ARSG: variants seen among roughly 807,000 people sequenced by gnomAD.
The protein encoded by ARSG is arylsulfatase G, also known as ASG.
In ARSG, 37 loss-of-function variants were observed where a neutral mutation model predicts 50.5. That is an observed-to-expected ratio of 0.73 (90% CI 0.56 to 0.96). The LOEUF is 0.96. Among genes scored for constraint, ARSG ranks in the 50% least tolerant of loss-of-function variants. The pLI is 0.00. For synonymous variants in ARSG, 225 were observed against 254.6 expected (o/e 0.88, Z 1.11); for missense variants, 629 against 675.3 (o/e 0.93, Z 0.76).
chr17:68,334,614 G>A (rs970162489), intron 2 of ARSG, among the ~76,000 whole-genome samples: 10 of 152,086 alleles, frequency 6.6e-5, no homozygotes, highest in African/African-American at 1.4e-4. Context: ...AGTACTGGGC[G>A]TTGACTAAGG....
intron 8 of ARSG, among the ~76,000 whole-genome samples, chr17:68,384,280 A>G (rs1358842925): frequency 6.6e-6 from 1 of 152,140 alleles, no homozygotes; most frequent in Non-Finnish European, 1.5e-5. Flanking sequence ...ATGCAACCCA[A>G]CATGTATTCA....
At chr17:68,417,821 C>T (rs762945134) in intron 11 of ARSG, among the ~76,000 whole-genome samples, 9 of 130,038 alleles carry the variant, frequency 6.9e-5, no homozygotes, top group Non-Finnish European at 1.2e-4. Flanking sequence ...GATCTCGGCT[C>T]CCAGGTTCAC....
chr17:68,395,275 A>G, intron 10 of ARSG, 82 bp downstream of exon 10: 5 of 1,572,422 alleles, frequency 3.2e-6, no homozygotes, highest in Non-Finnish European at 4.3e-6. Context: ...AGACAGAACC[A>G]TCATCAGAAG....
intron 2 of ARSG, among the ~76,000 whole-genome samples, chr17:68,342,479 A>G (rs1369402249): frequency 1.3e-5 from 2 of 151,040 alleles, no homozygotes; most frequent in South Asian, 2.1e-4. Flanking sequence ...TTGGCCTCCC[A>G]AGTAGCTGGG....
intron 2 of ARSG, among the ~76,000 whole-genome samples, chr17:68,318,382 T>C (rs2077154223): frequency 6.6e-6 from 1 of 152,212 alleles, no homozygotes; most frequent in African/African-American, 2.4e-5. Flanking sequence ...AGTGACATTA[T>C]TTCTTGAAAA....
chr17:68,437,294 C>T, the ARSG span, among the ~76,000 whole-genome samples: 9 of 152,246 alleles, frequency 5.9e-5, no homozygotes, highest in South Asian at 1.0e-3. Context: ...GTGGCCCACA[C>T]CTGTGATCCC....
At chr17:68,436,929 G>C in the ARSG span, among the ~76,000 whole-genome samples, 1 of 151,994 alleles carries the variant, frequency 6.6e-6, no homozygotes, top group African/African-American at 2.4e-5. Context: ...AGGAGGCAAA[G>C]GTTGCAGTGA....
chr17:68,303,875 G>A (rs1210829483), intron 1 of ARSG, among the ~76,000 whole-genome samples: 1 of 152,206 alleles, frequency 6.6e-6, no homozygotes, highest in African/African-American at 2.4e-5. Context: ...ATGGGGAAAG[G>A]ATTAAATGTT....
intron 1 of ARSG, among the ~76,000 whole-genome samples, chr17:68,298,838 T>C (rs2076304839): frequency 6.6e-6 from 1 of 151,954 alleles, no homozygotes. Flanking sequence ...CTAATCCCAT[T>C]ATCTCATGAC....
chr17:68,300,716 T>C (rs1392952933), intron 1 of ARSG, among the ~76,000 whole-genome samples: 4 of 152,182 alleles, frequency 2.6e-5, no homozygotes, highest in Admixed American at 1.3e-4. Context: ...GGCTTTCTTC[T>C]GTGACAGTCT....
In ARSG at chr17:68,307,655, C is replaced by A; in HGVS notation, c.162C>A (p.Asn54Lys). The part of the protein sequence containing the change: ...DDMGWGDLGA[N>K]WAETKDTANL... Reference sequence around the variant, plus strand: ...TGGGGTGGGGTGACCTGGGAGCAAACTGGGCAGAAACAAAGGACACTGCCA... The same window carrying A: ...TGGGGTGGGGTGACCTGGGAGCAAAATGGGCAGAAACAAAGGACACTGCCA... Residue 54 changes from asparagine to lysine, a missense_variant, in exon 2 of 12, where the codon AAC (asparagine) becomes AAA (lysine). Asn to Lys is a moderately conservative substitution (Grantham distance 94). Transcript: ENST00000621439. 6.2e-7 allele frequency: 1 copy of A among 1,612,190 alleles called. No individual in the cohort carries two copies. Among genetic ancestry groups the A allele is most frequent in the Non-Finnish European group, 8.5e-7 (1 of 1,178,320 alleles).
In ARSG at chr17:68,401,212, G is replaced by T. The variant is rs559488041; in HGVS notation, c.1213-148G>T. On this transcript the variant is annotated intron_variant, in intron 10 of 11. Transcript: ENST00000621439. ...TAACTTTTGTATTTTTTTGTAGGGA[G>T]GGGTCTTGCTGTGTTGCCCAGGCTG... 21 of 664,352 alleles carry T rather than the reference G, an allele frequency of 3.2e-5. No individual in the cohort carries two copies. The Admixed American group carries it at 5.0e-4, about 16-fold the overall frequency. 41.2% of individuals were successfully genotyped at this position (664,352 alleles called of 1,614,324 possible).
intron 11 of ARSG, among the ~76,000 whole-genome samples, chr17:68,402,669 T>C (rs8077535): frequency 0.83 from 125,236 of 151,740 alleles, 52,196 homozygotes; most frequent in African/African-American, 0.95. Context: ...GGACTACAGG[T>C]GCCCGCCACC....
intron 9 of ARSG, among the ~76,000 whole-genome samples, chr17:68,394,117 C>G (rs774908121): frequency 6.6e-6 from 1 of 152,038 alleles, no homozygotes; most frequent in Non-Finnish European, 1.5e-5. Flanking sequence ...CTTGACCTCC[C>G]AAAGTGCTGA....
chr17:68,343,982 A>G (rs373964735), intron 3 of ARSG, among the ~76,000 whole-genome samples, 191 bp downstream of exon 3: 1 of 152,214 alleles, frequency 6.6e-6, no homozygotes, highest in Non-Finnish European at 1.5e-5. Context: ...TTTTCCTCCC[A>G]TTATAGCAAG....
chr17:68,398,475 T>G (rs2081346007), intron 10 of ARSG, among the ~76,000 whole-genome samples: 1 of 152,232 alleles, frequency 6.6e-6, no homozygotes, highest in Non-Finnish European at 1.5e-5. Flanking sequence ...TGCATACATG[T>G]GTACATATGT....
intron 3 of ARSG, among the ~76,000 whole-genome samples, chr17:68,345,520 C>T (rs960199346): frequency 6.6e-6 from 1 of 152,184 alleles, no homozygotes; most frequent in Non-Finnish European, 1.5e-5. Flanking sequence ...CCTCACCACT[C>T]ACGACACCTT....
intron 2 of ARSG, among the ~76,000 whole-genome samples, chr17:68,316,008 G>T (rs2077055477): frequency 6.6e-6 from 1 of 152,310 alleles, no homozygotes; most frequent in South Asian, 2.1e-4. Flanking sequence ...CCAGGGATGT[G>T]TGATGGCTGC....
chr17:68,387,873 A>G (rs1325434608), intron 9 of ARSG, among the ~76,000 whole-genome samples: 1 of 152,150 alleles, frequency 6.6e-6, no homozygotes, highest in Non-Finnish European at 1.5e-5. Context: ...ATGAATACAG[A>G]AAAGTGAAAG....
Sources: gnomAD v4.1 joint callset for allele counts (sites outside exome capture counted in the v4.1 genomes callset) on GRCh38, gnomAD v4.1.1 for gene constraint, MANE v1.5 for transcripts, NCBI Gene and HGNC (gene_info 2026-07-23, HGNC 2026-07-21) for gene names.